The following SYT1 variants were observed in gnomAD, a reference collection of about 807,000 sequenced individuals.
The protein encoded by SYT1 is synaptotagmin 1, also known as synaptotagmin-1.
SYT1 carries 8 observed loss-of-function variants against 44.8 expected under a neutral mutation model. The ratio of observed to expected loss-of-function variants is 0.18; its 90% CI spans 0.10 to 0.32. The LOEUF (loss-of-function observed/expected upper bound fraction) is 0.32, where lower values mean the gene tolerates loss of function less well. Ranked by LOEUF, SYT1 falls within the 10% of genes least tolerant of loss-of-function variation. The pLI is 1.00. For synonymous variants in SYT1, 154 were observed against 188.8 expected (o/e 0.82, Z 1.51); for missense variants, 286 against 509.3 (o/e 0.56, Z 4.22).
chr12:78,929,213 C>G (rs966619020), intron 1 of SYT1, among the ~76,000 whole-genome samples: 1 of 151,254 alleles, frequency 6.6e-6, no homozygotes, highest in Non-Finnish European at 1.5e-5. Context: ...ACCAGTCTAG[C>G]CAACGTGGTG....
chr12:78,948,131 A>C (rs1878767892), intron 1 of SYT1, among the ~76,000 whole-genome samples: 1 of 151,768 alleles, frequency 6.6e-6, no homozygotes, highest in Non-Finnish European at 1.5e-5. Flanking sequence ...ACTATTACTT[A>C]GGTAATTTTT....
intron 2 of SYT1, among the ~76,000 whole-genome samples, chr12:79,015,076 G>A (rs1404858262): frequency 6.6e-6 from 1 of 151,972 alleles, no homozygotes; most frequent in East Asian, 1.9e-4. Context: ...TGGGGGGAGA[G>A]GGGAGGGATA....
chr12:79,441,662 A>G (rs542911619), intron 9 of SYT1, among the ~76,000 whole-genome samples: 32 of 152,258 alleles, frequency 2.1e-4, no homozygotes, highest in Middle Eastern at 3.4e-3. Context: ...AGTAGAATAC[A>G]TCTGAGTCAT....
intron 9 of SYT1, among the ~76,000 whole-genome samples, chr12:79,441,964 T>TA (rs1013580492): frequency 6.6e-6 from 1 of 152,244 alleles, no homozygotes; most frequent in Non-Finnish European, 1.5e-5. Context: ...CCCAAGGCAT[T>TA]AATAACATCA....
intron 2 of SYT1, among the ~76,000 whole-genome samples, chr12:79,026,667 T>TATATATATATATATATA (rs1555190335): frequency 9.8e-6 from 1 of 102,280 alleles, no homozygotes; most frequent in Non-Finnish European, 2.0e-5. Flanking sequence ...CATATATATT[T>TATATATATATATATATA]TATATATATA....
At chr12:79,244,897 T>G (rs1876730671) in intron 4 of SYT1, among the ~76,000 whole-genome samples, 1 of 152,078 alleles carries the variant, frequency 6.6e-6, no homozygotes, top group Non-Finnish European at 1.5e-5. Flanking sequence ...AATAATGGAA[T>G]GAGAACTTTA....
chr12:79,000,765 GT>G (rs146045734), intron 2 of SYT1, among the ~76,000 whole-genome samples: 1,548 of 152,058 alleles, frequency 0.01, 33 homozygotes, highest in African/African-American at 0.035. Flanking sequence ...TCAGTATTTT[GT>G]TTGGGGAAGA....
At position 79,008,444 on chromosome 12, in the gene SYT1, G is replaced by A. The variant is rs77228808; in HGVS notation, c.-84+30513G>A. ...ATAAGCCACTGAGATGTTTTCAGCAGATAAATACTATGATCCCAGATATAT... is the reference window on the plus strand; with the variant it reads ...ATAAGCCACTGAGATGTTTTCAGCAAATAAATACTATGATCCCAGATATAT... On this transcript the variant is annotated intron_variant, in intron 2 of 10. Transcript: ENST00000261205. Among the ~76,000 whole-genome samples, 481 of 152,248 alleles carry A rather than the reference G, an allele frequency of 3.2e-3. 4 individuals carry two copies. Among genetic ancestry groups the A allele is most frequent in the African/African-American group, 0.011 (457 of 41,548 alleles).
At chr12:78,952,881 TTTTG>T (rs1162636888) in intron 1 of SYT1, among the ~76,000 whole-genome samples, 1 of 152,148 alleles carries the variant, frequency 6.6e-6, no homozygotes, top group African/African-American at 2.4e-5. Context: ...TTTTGTTTTG[TTTTG>T]TTTTTCTTAA....
Position 79,433,842 on chromosome 12 carries a change from T to A in SYT1, c.929-10231T>A, listed in dbSNP as rs1386352752. Among the ~76,000 whole-genome samples the A allele has an allele frequency of 2.0e-5, 3 of 152,336 alleles. No individual in the cohort carries two copies. In the South Asian group the frequency reaches 6.2e-4, roughly 32 times the overall value. On this transcript the variant is annotated intron_variant, in intron 9 of 10. Transcript: ENST00000261205. ...AAAACATCCAGATTATACAAACGTA[T>A]TGTACTTGCCCCTCTACTAAGGGTG...
At chr12:78,916,608 T>A (rs566095274) in intron 1 of SYT1, among the ~76,000 whole-genome samples, 1 of 152,082 alleles carries the variant, frequency 6.6e-6, no homozygotes, top group Admixed American at 6.6e-5. Flanking sequence ...ACATATAAAA[T>A]AAGCAAAGTA....
At chr12:79,074,646 T>A (rs1876512293) in intron 3 of SYT1, among the ~76,000 whole-genome samples, 1 of 152,180 alleles carries the variant, frequency 6.6e-6, no homozygotes, top group South Asian at 2.1e-4. Context: ...CGACATCCTA[T>A]GTCAGCCTCT....
At chr12:79,425,389 A>G (rs1869388548) in intron 9 of SYT1, among the ~76,000 whole-genome samples, 2 of 152,192 alleles carry the variant, frequency 1.3e-5, no homozygotes, top group South Asian at 4.1e-4. Flanking sequence ...CTTCCAGTCT[A>G]GGAATCTCCA....
intron 8 of SYT1, among the ~76,000 whole-genome samples, chr12:79,327,570 C>T (rs1347619151): frequency 6.6e-6 from 1 of 152,190 alleles, no homozygotes; most frequent in Non-Finnish European, 1.5e-5. Context: ...AATCAAAAGG[C>T]ACCAGCAAAG....
chr12:79,308,834 T>C (rs1450167204), intron 8 of SYT1, among the ~76,000 whole-genome samples: 1 of 152,172 alleles, frequency 6.6e-6, no homozygotes, highest in Non-Finnish European at 1.5e-5. Context: ...TCTACAAGTG[T>C]ATCATCTGCA....
intron 3 of SYT1, among the ~76,000 whole-genome samples, chr12:79,137,680 A>T (rs1422654052): frequency 1.3e-5 from 2 of 152,224 alleles, no homozygotes; most frequent in East Asian, 3.9e-4. Context: ...GAGTTCATTT[A>T]ATATTTGGTT....
Position 79,038,530 on chromosome 12 carries a change from A to T in SYT1, c.-83-8767A>T, listed in dbSNP as rs145094652. On this transcript the variant is annotated intron_variant, in intron 2 of 10. Coordinates refer to ENST00000261205, the MANE Select transcript of SYT1 (RefSeq NM_005639.3). ...CTTACTGACTGCTGTTCCAATAATA[A>T]GAATTTAAGTCAAAAGATATGTAAC... Among the ~76,000 whole-genome samples, 403 of 151,978 alleles carry T rather than the reference A, an allele frequency of 2.7e-3. 3 individuals are homozygous for T. Among genetic ancestry groups the T allele is most frequent in the Admixed American group, 9.9e-3 (151 of 15,214 alleles).
At chr12:78,999,938 A>G (rs1430862687) in intron 2 of SYT1, among the ~76,000 whole-genome samples, 1 of 152,208 alleles carries the variant, frequency 6.6e-6, no homozygotes, top group Non-Finnish European at 1.5e-5. Flanking sequence ...ATTTCATACT[A>G]AGAAATGCTA....
intron 1 of SYT1, among the ~76,000 whole-genome samples, chr12:78,970,549 G>C (rs1159731410): frequency 6.6e-6 from 1 of 152,134 alleles, no homozygotes; most frequent in East Asian, 1.9e-4. Context: ...TTAAGAGCAA[G>C]GTCTTGAAGC....
Sources: gnomAD v4.1 joint callset for allele counts (sites outside exome capture counted in the v4.1 genomes callset) on GRCh38, gnomAD v4.1.1 for gene constraint, MANE v1.5 for transcripts, NCBI Gene and HGNC (gene_info 2026-07-23, HGNC 2026-07-21) for gene names.